Variants in PDE2A observed in about 807,000 individuals in gnomAD.
PDE2A encodes cGMP-dependent 3',5'-cyclic phosphodiesterase.
A neutral mutation model predicts 133.6 loss-of-function variants in PDE2A; 53 were observed. That is an observed-to-expected ratio of 0.40 (90% confidence interval 0.32 to 0.50). The LOEUF is 0.50. PDE2A is among the 20% of genes least tolerant of loss of function. The pLI, the probability that PDE2A is intolerant of heterozygous loss-of-function variation, is 0.73. For missense variants in PDE2A, 796 were observed against 1,232.4 expected (o/e 0.65, Z 5.30); for synonymous variants, 491 against 490.2 (o/e 1.00, Z -0.02).
chr11:72,586,741 G>A (rs925302690), intron 13 of PDE2A, among the ~76,000 whole-genome samples: 8 of 152,232 alleles, frequency 5.3e-5, no homozygotes, highest in Non-Finnish European at 8.8e-5. Flanking sequence ...TGTCACTGGG[G>A]AGCTGCATGG....
intron 12 of PDE2A, 25 bp downstream of exon 12, chr11:72,589,150 C>G: frequency 6.2e-7 from 1 of 1,603,704 alleles, no homozygotes; most frequent in African/African-American, 1.3e-5. Context: ...TCTTTCCCCT[C>G]TGGGTCAGCC....
At chr11:72,604,999 G>A (rs1473253227) in intron 4 of PDE2A, 139 bp downstream of exon 4, 3 of 533,262 alleles carry the variant, frequency 5.6e-6, no homozygotes, top group East Asian at 3.0e-5. Context: ...CAGCAACCTG[G>A]CCAAGGAATC....
rs1474140004 is a variant in PDE2A, at chr11:72,590,334, C to A, written c.704-90G>T. On this transcript the variant is annotated intron_variant, in intron 8 of 30. Coordinates refer to ENST00000334456, the MANE Select transcript of PDE2A (RefSeq NM_002599.5). This position sits in a 1 kb window ranked among gnomAD's most constrained non-coding sequence, Gnocchi z 4.8. ...GCGCCGCTCAGCTCCGCGCCGGGCCCGCCGCCGGCTCCCGGGATCGCCTAA... is the reference window on the plus strand; with the variant it reads ...GCGCCGCTCAGCTCCGCGCCGGGCCAGCCGCCGGCTCCCGGGATCGCCTAA... 4 of 1,539,500 alleles carry A rather than the reference C, an allele frequency of 2.6e-6. No homozygotes were observed. The African/African-American group carries it at 4.1e-5, about 16-fold the overall frequency.
At chr11:72,606,859 C>T (rs1197401961) in intron 3 of PDE2A, among the ~76,000 whole-genome samples, 1 of 152,192 alleles carries the variant, frequency 6.6e-6, no homozygotes, top group South Asian at 2.1e-4. Context: ...TGTCTCCCAC[C>T]CCCTTACTCT....
At chr11:72,623,479 C>T (rs1161442622) in intron 2 of PDE2A, among the ~76,000 whole-genome samples, 4 of 152,130 alleles carry the variant, frequency 2.6e-5, no homozygotes. Context: ...TCCATTATCC[C>T]AGCCAGGTCC....
intron 2 of PDE2A, among the ~76,000 whole-genome samples, chr11:72,636,895 C>T (rs1858722249): frequency 6.6e-6 from 1 of 152,200 alleles, no homozygotes; most frequent in African/African-American, 2.4e-5. Context: ...GGTCAATTTC[C>T]CTCCAGAATA....
intron 1 of PDE2A, among the ~76,000 whole-genome samples, chr11:72,645,803 G>C (rs1184959893): frequency 6.6e-6 from 1 of 152,208 alleles, no homozygotes; most frequent in Non-Finnish European, 1.5e-5. Context: ...AGCACATACT[G>C]TGTGCCTCAC....
intron 6 of PDE2A, among the ~76,000 whole-genome samples, chr11:72,592,206 C>A (rs1856282808): frequency 6.6e-6 from 1 of 152,146 alleles, no homozygotes; most frequent in African/African-American, 2.4e-5. Flanking sequence ...AGCCTAGGGA[C>A]CCACTACAGG....
Position 72,582,800 on chromosome 11 carries a change from G to A in PDE2A, c.1729-234C>T, listed in dbSNP as rs574180475. On this transcript the variant is annotated intron_variant, in intron 20 of 30. Coordinates refer to ENST00000334456, the MANE Select transcript of PDE2A (RefSeq NM_002599.5). Reference sequence around the variant, plus strand: ...CTTTATCTGTAACAGCATAACCTTGGCAAAGATCGACAACACCCCTTCATG... The same window carrying A: ...CTTTATCTGTAACAGCATAACCTTGACAAAGATCGACAACACCCCTTCATG... 6.6e-5 allele frequency among the ~76,000 whole-genome samples: 10 copies of A among 152,228 alleles called. No homozygotes were observed. The South Asian group carries it at 2.1e-3, about 32-fold the overall frequency.
At position 72,584,089 on chromosome 11, in the gene PDE2A, C is replaced by T. The variant is rs1383392008; in HGVS notation, c.1650+112G>A. 5 of 658,128 alleles carry T rather than the reference C, an allele frequency of 7.6e-6. No individual in the cohort carries two copies. The African/African-American group carries it at 8.9e-5, about 12-fold the overall frequency. 40.8% of individuals were successfully genotyped at this position (658,128 alleles called of 1,614,324 possible). On this transcript the variant is annotated intron_variant, in intron 19 of 30. Transcript: ENST00000334456. ...CACCCCAGCGGCGGGACTCTGAGTG[C>T]CAGACCAAGGGATCAATCCACAAGG...
intron 2 of PDE2A, among the ~76,000 whole-genome samples, chr11:72,626,072 C>T (rs966077386): frequency 1.3e-5 from 2 of 152,274 alleles, no homozygotes; most frequent in Non-Finnish European, 2.9e-5. Context: ...CAACTCCAGG[C>T]CCTTGACGAG....
intron 2 of PDE2A, among the ~76,000 whole-genome samples, chr11:72,614,478 G>C (rs1238749137): frequency 1.3e-5 from 2 of 152,174 alleles, no homozygotes; most frequent in Non-Finnish European, 2.9e-5. Context: ...CCTGTGGCTA[G>C]AGGTTTCCAC....
intron 13 of PDE2A, among the ~76,000 whole-genome samples, chr11:72,587,236 C>T (rs341048): frequency 0.14 from 20,795 of 152,194 alleles, 1,449 homozygotes; most frequent in African/African-American, 0.14. Flanking sequence ...GGAAACACTT[C>T]GGAGGTCTTT....
At chr11:72,580,814 T>C in intron 24 of PDE2A, 72 bp downstream of exon 24, 1 of 1,069,020 alleles carries the variant, frequency 9.4e-7, no homozygotes, top group Non-Finnish European at 1.5e-6. Flanking sequence ...CCACCCATCT[T>C]CAGGCTGGGA....
intron 1 of PDE2A, among the ~76,000 whole-genome samples, chr11:72,662,716 G>A (rs569224881): frequency 4.1e-4 from 63 of 152,244 alleles, no homozygotes; most frequent in South Asian, 1.2e-3. Context: ...GGGAAGTAGC[G>A]GCTGTCACCC....
intron 12 of PDE2A, 95 bp from the exon 13 acceptor site, chr11:72,589,009 G>A: frequency 1.4e-6 from 2 of 1,386,020 alleles, no homozygotes; most frequent in Non-Finnish European, 2.0e-6. Context: ...CAGTTCTAAG[G>A]GACTCATGCA....
chr11:72,616,812 C>T (rs1378394982), intron 2 of PDE2A, among the ~76,000 whole-genome samples: 1 of 152,228 alleles, frequency 6.6e-6, no homozygotes, highest in Non-Finnish European at 1.5e-5. Context: ...AAGAGGAGCA[C>T]TGTCACTATC....
rs370484738 is a variant in PDE2A, at chr11:72,579,417, C to A, written c.2257-34G>T. On this transcript the variant is annotated intron_variant, in intron 26 of 30. Transcript: ENST00000334456. The stretch of plus-strand genomic sequence containing the variant: ...AGGGCAGGGGTGTCATGCCCTCCTA[C>A]TGGACACCCCCACCCATTTGCCCAT... 21 of 1,585,276 alleles carry A rather than the reference C, an allele frequency of 1.3e-5. 2 individuals carry two copies. The South Asian group carries it at 1.9e-4, about 14-fold the overall frequency.
intron 2 of PDE2A, among the ~76,000 whole-genome samples, chr11:72,637,979 C>T (rs910609842): frequency 1.1e-4 from 16 of 152,112 alleles, no homozygotes; most frequent in Admixed American, 6.5e-4. Flanking sequence ...ATGGTCAGGA[C>T]GGGTATGGAT....
Sources: gnomAD v4.1 joint callset for allele counts (sites outside exome capture counted in the v4.1 genomes callset) on GRCh38, gnomAD v4.1.1 for gene constraint, Gnocchi (gnomAD v3.1) non-coding constraint, MANE v1.5 for transcripts, NCBI Gene and HGNC (gene_info 2026-07-23, HGNC 2026-07-21) for gene names.